OTULINL: variants seen among roughly 807,000 people sequenced by gnomAD.
OTULINL encodes the protein inactive ubiquitin thioesterase OTULINL.
OTULINL carries 42 observed loss-of-function variants against 43.9 expected under a neutral mutation model. The observed-to-expected ratio is 0.96, with a 90% CI of 0.75 to 1.24. OTULINL has a LOEUF of 1.24. Among genes scored for constraint, OTULINL ranks in the 50% most tolerant of loss-of-function variants. The pLI is 0.00. For synonymous variants in OTULINL, 172 were observed against 153.6 expected (o/e 1.12, Z -0.88); for missense variants, 411 against 426.4 (o/e 0.96, Z 0.32).
chr5:14,604,625 G>A (rs945044764), intron 5 of OTULINL, among the ~76,000 whole-genome samples: 1 of 152,232 alleles, frequency 6.6e-6, no homozygotes, highest in African/African-American at 2.4e-5. Flanking sequence ...AAGCAGTTTA[G>A]TTACTACCTA....
intron 4 of OTULINL, 61 bp downstream of exon 4, chr5:14,601,503 A>G: frequency 1.4e-6 from 2 of 1,412,816 alleles, no homozygotes; most frequent in South Asian, 1.2e-5. Context: ...TCAGGAAACA[A>G]ACATTCCCTT....
chr5:14,614,971 A>G lies in OTULINL; in HGVS notation c.*4657A>G, dbSNP rs1225345577. The G allele has an allele frequency of 2.0e-5, 8 of 390,864 alleles. No homozygotes were observed. Among genetic ancestry groups the G allele is most frequent in the Non-Finnish European group, 3.2e-5 (7 of 221,928 alleles). 24.2% of individuals were successfully genotyped at this position (390,864 alleles called of 1,614,324 possible). A position where few individuals can be genotyped will look rare whatever the true frequency, so the allele number is the denominator to read the frequency against. ...ATGATTCTTGGGAAGTTTAGTCAAGAGAATATCCTTGAATAAAGAAGTACA... is the reference window on the plus strand; with the variant it reads ...ATGATTCTTGGGAAGTTTAGTCAAGGGAATATCCTTGAATAAAGAAGTACA... On this transcript the variant is annotated 3_prime_UTR_variant, in exon 8 of 8. Transcript: ENST00000274217.
rs752748505 is a variant in OTULINL, at chr5:14,615,278, C to T, written c.*4964C>T. On this transcript the variant is annotated 3_prime_UTR_variant, in exon 8 of 8. Transcript: ENST00000274217. ...CCATTTCTTGTCATCGCTGCCATCC[C>T]CAAAGACAGACTCTGGGAAACAACT... is the stretch of plus-strand genomic sequence containing the variant. Among the ~76,000 whole-genome samples, 1 of 152,212 alleles carries T rather than the reference C, an allele frequency of 6.6e-6. No homozygotes were observed. Among genetic ancestry groups the T allele is most frequent in the Non-Finnish European group, 1.5e-5 (1 of 68,042 alleles).
intron 6 of OTULINL, 53 bp downstream of exon 6, chr5:14,607,511 G>T (rs1759504063): frequency 6.2e-7 from 1 of 1,601,458 alleles, no homozygotes; most frequent in Non-Finnish European, 8.5e-7. Context: ...ACATATCCCA[G>T]ATAGAGCCAG....
chr5:14,602,477 C>G (rs1759405762), intron 5 of OTULINL, 145 bp downstream of exon 5: 6 of 695,578 alleles, frequency 8.6e-6, no homozygotes, highest in Non-Finnish European at 1.2e-5. Context: ...TCACTGTCAC[C>G]CAGGATTGAG....
rs111269935 is a variant in OTULINL, at chr5:14,614,844, A to G, written c.*4530A>G. 2.0e-3 allele frequency: 798 copies of G among 397,952 alleles called. 6 individuals are homozygous for G. Among genetic ancestry groups the G allele is most frequent in the African/African-American group, 0.015 (712 of 48,732 alleles). The allele number at this position is 397,952 out of a possible 1,614,324, so 24.7% of individuals were successfully genotyped here. ...CTGTTTAAAAAAATCAAATTTCTGT[A>G]TGTAATTGACGTATTGGTCCTTATA... is the stretch of plus-strand genomic sequence containing the variant. On this transcript the variant is annotated 3_prime_UTR_variant, in exon 8 of 8. Coordinates refer to ENST00000274217, the MANE Select transcript of OTULINL (RefSeq NM_019018.3).
At chr5:14,592,562 G>A (rs1419761053) in intron 1 of OTULINL, among the ~76,000 whole-genome samples, 1 of 152,166 alleles carries the variant, frequency 6.6e-6, no homozygotes. Context: ...CCTTAGAGGT[G>A]TTAGTGGGAA....
Position 14,581,838 on chromosome 5 carries a change from G to C in OTULINL, c.-57G>C, listed in dbSNP as rs1173330586. The C allele has an allele frequency of 8.4e-6, 11 of 1,317,364 alleles. No individual in the cohort carries two copies. The highest frequency in any genetic ancestry group is 3.2e-5 in the East Asian group (1 of 30,926). The allele number at this position is 1,317,364 out of a possible 1,614,324, so 81.6% of individuals were successfully genotyped here. A position where few individuals can be genotyped will look rare whatever the true frequency, so the allele number is the denominator to read the frequency against. On this transcript the variant is annotated 5_prime_UTR_variant, in exon 1 of 8. Coordinates refer to ENST00000274217, the MANE Select transcript of OTULINL (RefSeq NM_019018.3). ...GCGCCGGCGGGCGGCCGTCGCGTCT[G>C]ACAGACCACTGCAGACCACGGGCCG...
At chr5:14,597,605 T>A in intron 1 of OTULINL, among the ~76,000 whole-genome samples, 1 of 152,226 alleles carries the variant, frequency 6.6e-6, no homozygotes, top group East Asian at 1.9e-4. Flanking sequence ...TCATACTCTT[T>A]CCTACTAAAA....
At chr5:14,586,997 A>G (rs917320718) in intron 1 of OTULINL, among the ~76,000 whole-genome samples, 1 of 152,172 alleles carries the variant, frequency 6.6e-6, no homozygotes, top group African/African-American at 2.4e-5. Flanking sequence ...TGGCTCAGGA[A>G]TGGAGGTGGG....
At chr5:14,583,632 G>C (rs56044433) in intron 1 of OTULINL, among the ~76,000 whole-genome samples, 1,757 of 152,254 alleles carry the variant, frequency 0.012, 28 homozygotes, top group African/African-American at 0.04. Flanking sequence ...CCAATTGTGG[G>C]ATCTGCAGTT....
At chr5:14,598,965 TTG>T (rs1384516536) in intron 1 of OTULINL, among the ~76,000 whole-genome samples, 1 of 152,220 alleles carries the variant, frequency 6.6e-6, no homozygotes, top group African/African-American at 2.4e-5. Flanking sequence ...AAATATTTGC[TTG>T]TGTCAGAATT....
rs1294567001 is a variant in OTULINL, at chr5:14,608,919, C to CT, written c.804dup (p.Arg269Ter). 1 of 1,614,142 alleles carries CT rather than the reference C, an allele frequency of 6.2e-7. No homozygotes were observed. The highest frequency in any genetic ancestry group is 8.5e-7 in the Non-Finnish European group (1 of 1,180,006). On this transcript the variant is annotated frameshift_variant, in exon 7 of 8. Coordinates refer to ENST00000274217, the MANE Select transcript of OTULINL (RefSeq NM_019018.3). LOFTEE classifies it high-confidence loss of function. ...GAAGACTAAAAAGGTCATTCCCAGTCTTTTTAGACTCCTGTTTTCCAGGGA... is the reference window on the plus strand; with the variant it reads ...GAAGACTAAAAAGGTCATTCCCAGTCTTTTTTAGACTCCTGTTTTCCAGGGA...
intron 7 of OTULINL, among the ~76,000 whole-genome samples, chr5:14,609,384 A>G (rs144387815): frequency 2.6e-5 from 4 of 152,334 alleles, no homozygotes; most frequent in Non-Finnish European, 5.9e-5. Flanking sequence ...AATAGAAATT[A>G]ATTGAAACTT....
At position 14,581,834 on chromosome 5, in the gene OTULINL, G is replaced by A. The variant is rs1401458791; in HGVS notation, c.-61G>A. ...CCGGGCGCCGGCGGGCGGCCGTCGC[G>A]TCTGACAGACCACTGCAGACCACGG... On this transcript the variant is annotated 5_prime_UTR_variant, in exon 1 of 8. Transcript: ENST00000274217. 7.8e-7 allele frequency: 1 copy of A among 1,288,982 alleles called. No homozygotes were observed. Among genetic ancestry groups the A allele is most frequent in the African/African-American group, 1.6e-5 (1 of 63,802 alleles). The allele number at this position is 1,288,982 out of a possible 1,614,324, so 79.8% of individuals were successfully genotyped here.
chr5:14,585,910 G>A (rs546850602), intron 1 of OTULINL, among the ~76,000 whole-genome samples: 5 of 152,328 alleles, frequency 3.3e-5, no homozygotes, highest in African/African-American at 1.2e-4. Flanking sequence ...CATTTAAGCT[G>A]TTCTGAATTA....
intron 1 of OTULINL, among the ~76,000 whole-genome samples, chr5:14,591,096 C>A (rs528904072): frequency 2.0e-5 from 3 of 152,226 alleles, no homozygotes; most frequent in African/African-American, 7.2e-5. Context: ...AAAGTCACCC[C>A]CAGGGCAAAA....
chr5:14,583,825 G>A (rs995878962), intron 1 of OTULINL, among the ~76,000 whole-genome samples: 1 of 152,110 alleles, frequency 6.6e-6, no homozygotes, highest in African/African-American at 2.4e-5. Context: ...AACTTTTTTA[G>A]CATTCGAAAT....
Position 14,606,229 on chromosome 5 carries a change from C to T in OTULINL, c.499-1101C>T, listed in dbSNP as rs924685235. Among the ~76,000 whole-genome samples the T allele has an allele frequency of 7.2e-5, 11 of 152,224 alleles. No homozygotes were observed. In the South Asian group the frequency reaches 8.3e-4, roughly 11 times the overall value. On this transcript the variant is annotated intron_variant, in intron 5 of 7. Transcript: ENST00000274217. ...AAAAGAGAGAGCCTGTGCATGGGAA[C>T]GCTTCTTTTTAAAACCATCAGATCT...
Sources: allele counts gnomAD v4.1 joint callset (sites outside exome capture counted in the v4.1 genomes callset), GRCh38; gene constraint gnomAD v4.1.1; transcripts MANE v1.5; gene names NCBI Gene and HGNC (gene_info 2026-07-23, HGNC 2026-07-21).